C4orf51: variants seen among roughly 807,000 people sequenced by gnomAD.
The protein encoded by C4orf51 is chromosome 4 open reading frame 51.
C4orf51 carries 25 observed loss-of-function variants against 25.2 expected under a neutral mutation model. The ratio of observed to expected loss-of-function variants is 0.99; its 90% CI spans 0.72 to 1.39. The LOEUF (loss-of-function observed/expected upper bound fraction) is 1.39, where lower values mean the gene tolerates loss of function less well. C4orf51 is among the 40% of genes most tolerant of loss of function. The pLI, the probability that C4orf51 is intolerant of heterozygous loss-of-function variation, is 0.00. For missense variants in C4orf51, 252 were observed against 239.6 expected (o/e 1.05, Z -0.34); for synonymous variants, 100 against 84.5 (o/e 1.18, Z -1.01).
At chr4:145,719,755 C>T (rs1731624907) in intron 2 of C4orf51, among the ~76,000 whole-genome samples, 1 of 152,186 alleles carries the variant, frequency 6.6e-6, no homozygotes. Context: ...ATATTCACTT[C>T]TTCTCCATCC....
At chr4:145,725,640 T>C (rs1221261989) in intron 2 of C4orf51, among the ~76,000 whole-genome samples, 1 of 152,038 alleles carries the variant, frequency 6.6e-6, no homozygotes, top group Non-Finnish European at 1.5e-5. Flanking sequence ...ACAACATGGA[T>C]GAACCTCAAA....
At chr4:145,757,560 C>G (rs1356113286), downstream of C4orf51, 1 of 150,998 alleles carries the variant, frequency 6.6e-6, no homozygotes, top group Non-Finnish European at 1.5e-5. Context: ...CAGAACAAAG[C>G]AAGACATAAC....
the C4orf51 span, among the ~76,000 whole-genome samples, chr4:145,777,064 G>A: frequency 2.0e-5 from 3 of 152,152 alleles, no homozygotes; most frequent in African/African-American, 7.2e-5. Flanking sequence ...TGGCTTAAAG[G>A]AAATACCTGT....
At chr4:145,685,572 G>C (rs529290413) in intron 1 of C4orf51, among the ~76,000 whole-genome samples, 6 of 152,280 alleles carry the variant, frequency 3.9e-5, no homozygotes, top group African/African-American at 1.4e-4. Flanking sequence ...GCATGCACTG[G>C]TAATTAGATC....
downstream of C4orf51, among the ~76,000 whole-genome samples, chr4:145,754,726 G>A (rs1389815401): frequency 1.3e-5 from 2 of 152,216 alleles, no homozygotes; most frequent in Admixed American, 1.3e-4. Flanking sequence ...CTTGAGGTCA[G>A]GAGTTCAAGA....
intron 2 of C4orf51, among the ~76,000 whole-genome samples, chr4:145,721,646 C>T (rs1731747317): frequency 6.6e-6 from 1 of 152,198 alleles, no homozygotes. Flanking sequence ...TCCAAATTCC[C>T]TGCAGAGACT....
chr4:145,788,452 A>T, the C4orf51 span, among the ~76,000 whole-genome samples: 1 of 152,198 alleles, frequency 6.6e-6, no homozygotes, highest in Non-Finnish European at 1.5e-5. Context: ...TTATAACAAT[A>T]ATCATTTTAA....
intron 1 of C4orf51, among the ~76,000 whole-genome samples, chr4:145,685,089 A>C (rs1306318490): frequency 6.6e-6 from 1 of 152,176 alleles, no homozygotes; most frequent in Admixed American, 6.5e-5. Context: ...AACTTAAGAT[A>C]CTTGTCCTAA....
At chr4:145,777,480 C>A in the C4orf51 span, among the ~76,000 whole-genome samples, 1 of 152,126 alleles carries the variant, frequency 6.6e-6, no homozygotes, top group South Asian at 2.1e-4. Flanking sequence ...CTTTGGGAAC[C>A]GACTGATTCA....
intron 5 of C4orf51, 81 bp downstream of exon 5, chr4:145,730,046 A>G (rs1732375171): frequency 3.4e-6 from 4 of 1,174,596 alleles, no homozygotes; most frequent in Non-Finnish European, 1.3e-6. Context: ...TCTACATGGC[A>G]GCAGGGGTGG....
chr4:145,788,123 G>A, the C4orf51 span, among the ~76,000 whole-genome samples: 13 of 152,264 alleles, frequency 8.5e-5, no homozygotes, highest in Non-Finnish European at 1.6e-4. Context: ...TTAGTAAACA[G>A]CTGCTTCTGA....
rs74433185 is a variant in C4orf51, at chr4:145,762,960, C to T, written n.167-8028C>T. ...CCAACACAACCAAGTGCACCGTGCA[C>T]GGCCTCCTCAGCGCCAAGCTCGCCG... is the stretch of plus-strand genomic sequence containing the variant. On this transcript the variant is annotated intron_variant and non_coding_transcript_variant, in intron 1 of 1. Transcript: ENST00000510096. The surrounding 1 kb of genome is among the most constrained non-coding windows in gnomAD (Gnocchi z 4.9). 12,066 of 840,234 alleles carry T rather than the reference C, an allele frequency of 0.014. 264 individuals are homozygous for T. The highest frequency in any genetic ancestry group is 0.067 in the East Asian group (2,522 of 37,764). The allele number at this position is 840,234 out of a possible 1,614,324, so 52.0% of individuals were successfully genotyped here.
intron 2 of C4orf51, among the ~76,000 whole-genome samples, chr4:145,721,936 A>G (rs1319926033): frequency 2.0e-5 from 3 of 152,210 alleles, no homozygotes; most frequent in African/African-American, 7.2e-5. Context: ...GTCCTTGGTT[A>G]TAGCTATAGC....
At chr4:145,702,978 C>T (rs1349308662) in intron 2 of C4orf51, among the ~76,000 whole-genome samples, 1 of 151,384 alleles carries the variant, frequency 6.6e-6, no homozygotes, top group Non-Finnish European at 1.5e-5. Flanking sequence ...CTCCATACCA[C>T]CCCCCCAAAA....
chr4:145,791,026 T>A, the C4orf51 span, among the ~76,000 whole-genome samples: 1 of 152,342 alleles, frequency 6.6e-6, no homozygotes, highest in South Asian at 2.1e-4. Context: ...GTTTGTTGGT[T>A]TATGTAATTA....
At chr4:145,753,787 T>C (rs1406927974) in intron 1 of C4orf51, among the ~76,000 whole-genome samples, 2 of 152,042 alleles carry the variant, frequency 1.3e-5, no homozygotes, top group African/African-American at 2.4e-5. Context: ...CTTTCCTAGG[T>C]CAAAGAGGCT....
intron 1 of C4orf51, among the ~76,000 whole-genome samples, chr4:145,691,063 T>C (rs1249188498): frequency 6.6e-6 from 1 of 151,626 alleles, no homozygotes; most frequent in Non-Finnish European, 1.5e-5. Flanking sequence ...TAGTGAGCTA[T>C]GATCATGCCA....
At chr4:145,736,479 C>T (rs946830825), downstream of C4orf51, among the ~76,000 whole-genome samples, 1 of 152,132 alleles carries the variant, frequency 6.6e-6, no homozygotes, top group African/African-American at 2.4e-5. Context: ...CTGAGGCCTC[C>T]TCTCAGCCAC....
intron 1 of C4orf51, among the ~76,000 whole-genome samples, chr4:145,739,290 T>C (rs10022785): frequency 0.12 from 18,872 of 152,264 alleles, 1,365 homozygotes; most frequent in African/African-American, 0.18. Flanking sequence ...TGACCAAAGT[T>C]ATAGCAATTT....
Sources: allele counts gnomAD v4.1 joint callset (sites outside exome capture counted in the v4.1 genomes callset), GRCh38; gene constraint gnomAD v4.1.1; non-coding constraint Gnocchi (gnomAD v3.1); transcripts MANE v1.5; gene names NCBI Gene and HGNC (gene_info 2026-07-23, HGNC 2026-07-21).